MAP2K6: variants seen among roughly 807,000 people sequenced by gnomAD.
The protein encoded by MAP2K6 is dual specificity mitogen-activated protein kinase kinase 6.
MAP2K6 carries 16 observed loss-of-function variants against 53.7 expected under a neutral mutation model. The ratio of observed to expected loss-of-function variants is 0.30; its 90% CI spans 0.20 to 0.45. The LOEUF (loss-of-function observed/expected upper bound fraction) is 0.45. Among genes scored for constraint, MAP2K6 ranks in the 20% least tolerant of loss-of-function variants. MAP2K6 has a pLI of 1.00. For synonymous variants in MAP2K6, 132 were observed against 143.1 expected (o/e 0.92, Z 0.55); for missense variants, 204 against 411.9 (o/e 0.50, Z 4.37).
intron 1 of MAP2K6, among the ~76,000 whole-genome samples, chr17:69,476,864 C>T (rs1490682048): frequency 6.6e-6 from 1 of 152,196 alleles, no homozygotes; most frequent in Non-Finnish European, 1.5e-5. Context: ...TAAGAGAAAG[C>T]CCACAATACC....
At chr17:69,478,774 G>A (rs1284327977) in intron 1 of MAP2K6, among the ~76,000 whole-genome samples, 2 of 152,108 alleles carry the variant, frequency 1.3e-5, no homozygotes, top group African/African-American at 4.8e-5. Context: ...GCTAACTAAC[G>A]TATAGTAAGT....
At chr17:69,515,608 A>G (rs1206981772) in intron 2 of MAP2K6, among the ~76,000 whole-genome samples, 1 of 152,258 alleles carries the variant, frequency 6.6e-6, no homozygotes, top group Non-Finnish European at 1.5e-5. Flanking sequence ...GTAGAAATAA[A>G]TACTCAGGAA....
At chr17:69,455,502 C>A (rs1438675363) in intron 1 of MAP2K6, among the ~76,000 whole-genome samples, 1 of 152,152 alleles carries the variant, frequency 6.6e-6, no homozygotes, top group Non-Finnish European at 1.5e-5. Flanking sequence ...GGAAGGAAAT[C>A]TTTTCAGGAG....
intron 1 of MAP2K6, among the ~76,000 whole-genome samples, chr17:69,486,613 C>T (rs775181969): frequency 6.6e-6 from 1 of 152,102 alleles, no homozygotes; most frequent in Non-Finnish European, 1.5e-5. Flanking sequence ...GGGACACTGC[C>T]ACACATGATA....
chr17:69,434,116 A>G (rs1218853885), intron 1 of MAP2K6: 7 of 152,198 alleles, frequency 4.6e-5, no homozygotes, highest in African/African-American at 1.7e-4. Flanking sequence ...ATTGGCTTTG[A>G]AGAGCTTTCC....
chr17:69,543,537 G>A lies in MAP2K6; in HGVS notation c.*1784G>A, dbSNP rs1319618421. On this transcript the variant is annotated 3_prime_UTR_variant, in exon 12 of 12. Coordinates refer to ENST00000590474, the MANE Select transcript of MAP2K6 (RefSeq NM_002758.4). ...TCATTTTATTCTAGCCAGAAAAGGA[G>A]TATCACCCTAGTGATTATGGCTGTT... 6.6e-6 allele frequency: 1 copy of A among 152,108 alleles called. No homozygotes were observed. The highest frequency in any genetic ancestry group is 1.5e-5 in the Non-Finnish European group (1 of 68,016). The allele number at this position is 152,108 out of a possible 1,614,324, so 9.4% of individuals were successfully genotyped here.
intron 1 of MAP2K6, among the ~76,000 whole-genome samples, chr17:69,462,350 G>A (rs749502042): frequency 6.6e-6 from 1 of 152,090 alleles, no homozygotes; most frequent in Non-Finnish European, 1.5e-5. Context: ...AGCACATGCA[G>A]TCCCTCCATA....
chr17:69,471,502 G>A, intron 1 of MAP2K6, among the ~76,000 whole-genome samples: 1 of 152,092 alleles, frequency 6.6e-6, no homozygotes, highest in East Asian at 1.9e-4. Context: ...AATAGACACT[G>A]GGGACTCCAG....
rs557078280 is a variant in MAP2K6 at position 69,547,253 on chromosome 17, C to G, written c.*5500C>G. The stretch of plus-strand genomic sequence containing the variant: ...ACTCCACGGGGTTAGTAGCTCTGTT[C>G]TGTAGAATATTGACTGTGACATCCT... On this transcript the variant is annotated 3_prime_UTR_variant, in exon 12 of 12. Transcript: ENST00000590474. 5.3e-5 allele frequency: 8 copies of G among 152,172 alleles called. No individual in the cohort carries two copies. Among genetic ancestry groups the G allele is most frequent in the African/African-American group, 1.9e-4 (8 of 41,522 alleles). 9.4% of individuals were successfully genotyped at this position (152,172 alleles called of 1,614,324 possible).
chr17:69,474,748 A>G (rs1908084562), intron 1 of MAP2K6, among the ~76,000 whole-genome samples: 4 of 152,252 alleles, frequency 2.6e-5, no homozygotes, highest in Admixed American at 2.6e-4. Flanking sequence ...AAATCCCAAG[A>G]GCACATTGAA....
intron 1 of MAP2K6, among the ~76,000 whole-genome samples, chr17:69,483,045 C>CAGGAACAACATA (rs1908403231): frequency 6.6e-6 from 1 of 151,834 alleles, no homozygotes; most frequent in African/African-American, 2.4e-5. Context: ...TCCCATAGAT[C>CAGGAACAACATA]AGGAACAACA....
chr17:69,538,607 G>GA (rs1418483023), intron 11 of MAP2K6, among the ~76,000 whole-genome samples: 2 of 152,064 alleles, frequency 1.3e-5, no homozygotes, highest in Non-Finnish European at 2.9e-5. Context: ...AAGTATGAAG[G>GA]AAAAAAATAA....
chr17:69,540,516 C>G (rs1318896146), intron 11 of MAP2K6, among the ~76,000 whole-genome samples: 1 of 152,182 alleles, frequency 6.6e-6, no homozygotes, highest in Non-Finnish European at 1.5e-5. Context: ...ACTGTGAGAG[C>G]TGGGCACTTA....
intron 6 of MAP2K6, chr17:69,520,596 G>C: frequency 1.9e-6 from 1 of 522,164 alleles, no homozygotes; most frequent in Non-Finnish European, 3.3e-6. Flanking sequence ...GCAGACTCTA[G>C]GTTAAATGAC....
At chr17:69,540,351 C>A (rs1480593503) in intron 11 of MAP2K6, among the ~76,000 whole-genome samples, 1 of 152,168 alleles carries the variant, frequency 6.6e-6, no homozygotes, top group Admixed American at 6.5e-5. Flanking sequence ...GACTACCAGG[C>A]AATCAAGGGA....
intron 2 of MAP2K6, among the ~76,000 whole-genome samples, chr17:69,514,191 T>A (rs1443055640): frequency 6.6e-6 from 1 of 152,236 alleles, no homozygotes; most frequent in East Asian, 1.9e-4. Flanking sequence ...CAAGTCATAT[T>A]TGCCTTTATT....
At chr17:69,530,173 G>A (rs530835024) in intron 10 of MAP2K6, among the ~76,000 whole-genome samples, 7 of 152,182 alleles carry the variant, frequency 4.6e-5, no homozygotes, top group African/African-American at 1.7e-4. Context: ...AAATTAGCTG[G>A]GTGTGGTGGT....
intron 1 of MAP2K6, 38 bp from the exon 2 acceptor site, chr17:69,505,742 T>A (rs1477669277): frequency 6.5e-7 from 1 of 1,534,628 alleles, no homozygotes; most frequent in African/African-American, 1.4e-5. Flanking sequence ...CTTGCTATGA[T>A]TTAGTCCTTA....
chr17:69,469,205 G>A (rs1907908138), intron 1 of MAP2K6, among the ~76,000 whole-genome samples: 1 of 152,204 alleles, frequency 6.6e-6, no homozygotes, highest in Admixed American at 6.5e-5. Flanking sequence ...CATCTTAAAA[G>A]CCTGCAAGGC....
Sources: gnomAD v4.1 joint callset for allele counts (sites outside exome capture counted in the v4.1 genomes callset) on GRCh38, gnomAD v4.1.1 for gene constraint, MANE v1.5 for transcripts, NCBI Gene and HGNC (gene_info 2026-07-23, HGNC 2026-07-21) for gene names.